Variants in ANKS1B observed in about 807,000 individuals in gnomAD.
The protein encoded by ANKS1B is ankyrin repeat and sterile alpha motif domain containing 1B.
ANKS1B carries 36 observed loss-of-function variants against 148.3 expected under a neutral mutation model. The observed-to-expected ratio is 0.24, with a 90% CI of 0.19 to 0.32. The LOEUF (loss-of-function observed/expected upper bound fraction) is 0.32. ANKS1B is among the 10% of genes least tolerant of loss of function. ANKS1B has a pLI of 1.00. For synonymous variants in ANKS1B, 542 were observed against 560.8 expected, an observed-to-expected ratio of 0.97 and a Z score of 0.47; for missense variants, 1,157 against 1,542.6, an observed-to-expected ratio of 0.75 and a Z score of 4.19.
At chr12:98,757,939 T>TGTGTGTGTGCGTGTGTGCAC (rs2098296431) in intron 25 of ANKS1B, among the ~76,000 whole-genome samples, 2 of 115,954 alleles carry the variant, frequency 1.7e-5, no homozygotes, top group African/African-American at 3.6e-5. Flanking sequence ...TGTGTGCACG[T>TGTGTGTGTGCGTGTGTGCAC]GTGTGTGTGT....
At chr12:99,163,835 T>C (rs1341417995) in intron 14 of ANKS1B, among the ~76,000 whole-genome samples, 1 of 152,198 alleles carries the variant, frequency 6.6e-6, no homozygotes, top group East Asian at 1.9e-4. Context: ...TATTCCATGA[T>C]ATGGATGTAC....
At chr12:99,482,177 C>T (rs756786596) in intron 10 of ANKS1B, among the ~76,000 whole-genome samples, 7 of 151,926 alleles carry the variant, frequency 4.6e-5, no homozygotes, top group African/African-American at 7.2e-5. Flanking sequence ...ATATTTAAGT[C>T]TTTGATCCAT....
intron 12 of ANKS1B, among the ~76,000 whole-genome samples, chr12:99,287,930 A>C (rs73143004): frequency 0.036 from 5,526 of 152,252 alleles, 133 homozygotes; most frequent in Non-Finnish European, 0.061. Context: ...ATAGCTTCAA[A>C]ATAGCAAATC....
At chr12:99,112,838 TTTCA>T (rs1217545518) in intron 15 of ANKS1B, among the ~76,000 whole-genome samples, 1 of 152,246 alleles carries the variant, frequency 6.6e-6, no homozygotes, top group Non-Finnish European at 1.5e-5. Flanking sequence ...TGCTTTATTC[TTTCA>T]TTGTTTCTCT....
chr12:99,413,765 G>C (rs1180601754), intron 11 of ANKS1B, among the ~76,000 whole-genome samples: 1 of 152,040 alleles, frequency 6.6e-6, no homozygotes, highest in Admixed American at 6.6e-5. Flanking sequence ...CAGACTGTAG[G>C]GACTCTGTAC....
intron 12 of ANKS1B, among the ~76,000 whole-genome samples, chr12:99,256,024 T>C (rs972923465): frequency 5.3e-5 from 8 of 152,270 alleles, no homozygotes; most frequent in East Asian, 1.9e-4. Flanking sequence ...AGCAGACTTA[T>C]GTTTTTTCCT....
intron 25 of ANKS1B, among the ~76,000 whole-genome samples, chr12:98,756,361 G>T (rs2098242298): frequency 6.6e-6 from 1 of 151,892 alleles, no homozygotes; most frequent in Admixed American, 6.6e-5. Context: ...TTTGTCTTCT[G>T]CCATAGGCCT....
At chr12:98,873,103 ATTC>A (rs2099676400) in intron 17 of ANKS1B, among the ~76,000 whole-genome samples, 1 of 152,178 alleles carries the variant, frequency 6.6e-6, no homozygotes, top group South Asian at 2.1e-4. Context: ...CAGTTGGGTT[ATTC>A]TTCTTCAGAA....
chr12:98,938,039 T>C (rs537949201), intron 17 of ANKS1B, among the ~76,000 whole-genome samples: 2 of 152,108 alleles, frequency 1.3e-5, no homozygotes, highest in Admixed American at 6.5e-5. Context: ...TCCCTTGACA[T>C]GTGGGGATTA....
chr12:99,212,041 A>G (rs892132188), intron 14 of ANKS1B, among the ~76,000 whole-genome samples: 1 of 152,188 alleles, frequency 6.6e-6, no homozygotes, highest in Non-Finnish European at 1.5e-5. Flanking sequence ...ACAGGGAAAA[A>G]CAAGCAAACA....
chr12:99,331,565 G>A (rs907421998), intron 12 of ANKS1B, among the ~76,000 whole-genome samples: 7 of 152,096 alleles, frequency 4.6e-5, no homozygotes, highest in South Asian at 4.1e-4. Flanking sequence ...AAAGTGGGGC[G>A]GGGAGAGCAG....
intron 12 of ANKS1B, among the ~76,000 whole-genome samples, chr12:99,284,987 A>T (rs760804516): frequency 6.6e-6 from 1 of 152,230 alleles, no homozygotes; most frequent in Admixed American, 6.5e-5. Context: ...TAAACTAAAC[A>T]CACTTAAAGT....
At chr12:99,383,571 A>G (rs1311838669) in intron 12 of ANKS1B, among the ~76,000 whole-genome samples, 1 of 152,158 alleles carries the variant, frequency 6.6e-6, no homozygotes, top group African/African-American at 2.4e-5. Context: ...TGACCACATA[A>G]TTCCTGCTCA....
chr12:99,914,325 C>T (rs2094102764), intron 1 of ANKS1B, among the ~76,000 whole-genome samples: 1 of 152,024 alleles, frequency 6.6e-6, no homozygotes, highest in South Asian at 2.1e-4. Context: ...AGTATAATGC[C>T]CAAAATTTTT....
chr12:99,497,302 C>T (rs1875289), intron 10 of ANKS1B, among the ~76,000 whole-genome samples: 2 of 151,984 alleles, frequency 1.3e-5, no homozygotes, highest in South Asian at 2.1e-4. Flanking sequence ...CACAGACCCA[C>T]CCATCCATTT....
chr12:99,671,402 TGAA>T (rs1168064658), intron 8 of ANKS1B, among the ~76,000 whole-genome samples: 2 of 152,276 alleles, frequency 1.3e-5, no homozygotes, highest in South Asian at 2.1e-4. Flanking sequence ...CAAAAAAATG[TGAA>T]GAAGTCTCTC....
intron 9 of ANKS1B, among the ~76,000 whole-genome samples, chr12:99,560,784 A>G (rs1158329945): frequency 6.9e-6 from 1 of 145,840 alleles, no homozygotes; most frequent in East Asian, 2.1e-4. Context: ...GCTGCTGACT[A>G]TTCTGGGTGG....
chr12:98,914,687 T>C (rs1451601390), intron 17 of ANKS1B, among the ~76,000 whole-genome samples: 1 of 152,074 alleles, frequency 6.6e-6, no homozygotes. Context: ...CATCGGGGTG[T>C]TTGCATTTGC....
intron 12 of ANKS1B, among the ~76,000 whole-genome samples, chr12:99,359,166 T>C (rs1014766566): frequency 6.6e-6 from 1 of 152,152 alleles, no homozygotes; most frequent in Non-Finnish European, 1.5e-5. Context: ...CTCATTTGGT[T>C]TGGAAGCTCG....
Sources: allele counts gnomAD v4.1 joint callset (sites outside exome capture counted in the v4.1 genomes callset), GRCh38; gene constraint gnomAD v4.1.1; transcripts MANE v1.5; gene names NCBI Gene and HGNC (gene_info 2026-07-23, HGNC 2026-07-21).